Variants in ELF1 observed in about 807,000 individuals in gnomAD.
ELF1 encodes ETS-related transcription factor Elf-1.
A neutral mutation model predicts 59.9 loss-of-function variants in ELF1; 24 were observed. The ratio of observed to expected loss-of-function variants is 0.40; its 90% CI spans 0.29 to 0.56. The LOEUF (loss-of-function observed/expected upper bound fraction) is 0.56, where lower values mean the gene tolerates loss of function less well. ELF1 is among the 20% of genes least tolerant of loss of function. The pLI is 0.44. For missense variants in ELF1, 627 were observed against 742.2 expected, an observed-to-expected ratio of 0.84 and a Z score of 1.80; for synonymous variants, 248 against 266.2, an observed-to-expected ratio of 0.93 and a Z score of 0.67.
intron 2 of ELF1, among the ~76,000 whole-genome samples, chr13:40,964,414 G>C (rs1214920053): frequency 1.3e-5 from 2 of 152,104 alleles, no homozygotes; most frequent in Non-Finnish European, 2.9e-5. Flanking sequence ...TGCAGACTGT[G>C]GGGGAAGGAA....
intron 1 of ELF1, among the ~76,000 whole-genome samples, chr13:41,007,191 A>C (rs1176009944): frequency 6.6e-6 from 1 of 152,258 alleles, no homozygotes; most frequent in East Asian, 1.9e-4. Flanking sequence ...TACACCTCAG[A>C]AACGCCCTGT....
rs1236339053 is a variant in ELF1, at chr13:40,943,830, A to G, written c.613+12T>C. On this transcript the variant is annotated intron_variant, in intron 6 of 8. Transcript: ENST00000239882. ...GAGTGTTATTTGACCTATAAGTATT[A>G]CACAGTAGTACCCTTTCCATCTTTG... 1.5e-5 allele frequency: 24 copies of G among 1,608,856 alleles called. No homozygotes were observed. The highest frequency in any genetic ancestry group is 2.0e-5 in the Non-Finnish European group (23 of 1,176,574).
chr13:40,936,940 G>A (rs1055342640), intron 8 of ELF1, among the ~76,000 whole-genome samples: 4 of 151,952 alleles, frequency 2.6e-5, no homozygotes, highest in Non-Finnish European at 5.9e-5. Flanking sequence ...GGCTACAGAG[G>A]GAGACTCAGT....
chr13:40,949,321 A>G (rs982187056), intron 5 of ELF1, among the ~76,000 whole-genome samples: 2 of 151,944 alleles, frequency 1.3e-5, no homozygotes, highest in Non-Finnish European at 2.9e-5. Context: ...TGATTCTACT[A>G]TGAAGAAATA....
chr13:40,955,872 G>A (rs867803246), intron 3 of ELF1, among the ~76,000 whole-genome samples: 1 of 140,238 alleles, frequency 7.1e-6, no homozygotes, highest in Non-Finnish European at 1.6e-5. Context: ...CCCTCCGCCC[G>A]GCCAGCCACC....
At chr13:40,955,586 G>T (rs569226570) in intron 3 of ELF1, among the ~76,000 whole-genome samples, 1 of 41,028 alleles carries the variant, frequency 2.4e-5, no homozygotes, top group Non-Finnish European at 6.1e-5. Flanking sequence ...CGCCCCGTCC[G>T]GGAGGTGAGG....
At chr13:41,045,915 G>GTC (rs1476750681) in intron 1 of ELF1, among the ~76,000 whole-genome samples, 1 of 152,182 alleles carries the variant, frequency 6.6e-6, no homozygotes, top group African/African-American at 2.4e-5. Flanking sequence ...TTGTGTGGGA[G>GTC]TCTAAGTCTC....
upstream of ELF1, among the ~76,000 whole-genome samples, chr13:41,020,118 C>G (rs1349242105): frequency 2.0e-5 from 3 of 152,204 alleles, no homozygotes; most frequent in East Asian, 1.9e-4. Context: ...GCCAGGCACC[C>G]TGCTACAGCT....
intron 1 of ELF1, among the ~76,000 whole-genome samples, chr13:40,997,224 C>A (rs1024481986): frequency 6.6e-6 from 1 of 152,136 alleles, no homozygotes; most frequent in African/African-American, 2.4e-5. Flanking sequence ...TCTGTTTTCA[C>A]AGTCTACCTC....
chr13:40,988,981 A>G (rs974189791), intron 1 of ELF1, among the ~76,000 whole-genome samples: 7 of 152,126 alleles, frequency 4.6e-5, no homozygotes, highest in Non-Finnish European at 1.0e-4. Flanking sequence ...TAATTTCAGT[A>G]GAGACAGTGT....
intron 3 of ELF1, among the ~76,000 whole-genome samples, chr13:40,956,571 C>CA (rs34245662): frequency 0.024 from 1,821 of 75,804 alleles, 24 homozygotes; most frequent in African/African-American, 0.038. Flanking sequence ...CAAGAATGAT[C>CA]AAAAAAAAAA....
chr13:40,980,376 A>G (rs981941173), intron 2 of ELF1, among the ~76,000 whole-genome samples: 3 of 152,176 alleles, frequency 2.0e-5, no homozygotes, highest in Non-Finnish European at 2.9e-5. Context: ...ACAAAAACAA[A>G]TAACTTAAGA....
intron 1 of ELF1, among the ~76,000 whole-genome samples, chr13:41,041,345 G>C (rs1479376804): frequency 6.6e-6 from 1 of 150,704 alleles, no homozygotes; most frequent in Non-Finnish European, 1.5e-5. Context: ...CTAAGTCCTT[G>C]ACATACACAT....
intron 3 of ELF1, among the ~76,000 whole-genome samples, chr13:40,955,160 C>T (rs1871161395): frequency 6.7e-6 from 1 of 149,702 alleles, no homozygotes; most frequent in Admixed American, 6.6e-5. Context: ...AGTGAGGAGC[C>T]CCTCCGCCCG....
At chr13:41,039,293 C>T (rs1199454376) in intron 1 of ELF1, among the ~76,000 whole-genome samples, 2 of 138,088 alleles carry the variant, frequency 1.4e-5, no homozygotes, top group East Asian at 4.2e-4. Flanking sequence ...AAAGCTAAGG[C>T]TAGGAACAAA....
chr13:40,933,154 G>C lies in ELF1; in HGVS notation c.*271C>G. Reference sequence around the variant, plus strand: ...AAATTAGAAAAGAAACTTTAAAAATGCTTATGATATAGCAACTGAAATAAA... The same window carrying C: ...AAATTAGAAAAGAAACTTTAAAAATCCTTATGATATAGCAACTGAAATAAA... On this transcript the variant is annotated 3_prime_UTR_variant, in exon 9 of 9. Transcript: ENST00000239882. 2.8e-6 allele frequency: 1 copy of C among 354,710 alleles called. No individual in the cohort carries two copies. The highest frequency in any genetic ancestry group is 5.0e-6 in the Non-Finnish European group (1 of 198,828). 22.0% of individuals were successfully genotyped at this position (354,710 alleles called of 1,614,324 possible).
In ELF1 at chr13:40,947,782, C is replaced by T. The variant is rs372246559; in HGVS notation, c.529+2024G>A. 1.5e-3 allele frequency among the ~76,000 whole-genome samples: 231 copies of T among 152,312 alleles called. 10 individuals carry two copies. The South Asian group carries it at 0.046, about 30-fold the overall frequency. ...GGTATCACAGAATACATGAGGAAGA[C>T]ACTTTCTGAGTGAGAAGCAGTAGAC... On this transcript the variant is annotated intron_variant, in intron 5 of 8. Coordinates refer to ENST00000239882, the MANE Select transcript of ELF1 (RefSeq NM_172373.4).
chr13:40,935,265 C>T (rs562918469), intron 8 of ELF1, among the ~76,000 whole-genome samples: 9 of 152,268 alleles, frequency 5.9e-5, no homozygotes, highest in Admixed American at 4.6e-4. Flanking sequence ...TGGATGTCAA[C>T]TGTTTCCTTT....
At chr13:40,986,653 C>CTCTG (rs10645375) in intron 1 of ELF1, among the ~76,000 whole-genome samples, 150,098 of 152,150 alleles carry the variant, frequency 0.99, 74,062 homozygotes, top group East Asian at 1. Context: ...GAGGACTTCA[C>CTCTG]TCTGGCAAGC....
Sources: gnomAD v4.1 joint callset for allele counts (sites outside exome capture counted in the v4.1 genomes callset) on GRCh38, gnomAD v4.1.1 for gene constraint, MANE v1.5 for transcripts, NCBI Gene and HGNC (gene_info 2026-07-23, HGNC 2026-07-21) for gene names.